The following LHFPL3 variants were observed in gnomAD, a reference collection of about 807,000 sequenced individuals.
LHFPL3 encodes the protein LHFPL tetraspan subfamily member 3, also known as LHFPL tetraspan subfamily member 3 protein.
LHFPL3 carries 5 observed loss-of-function variants against 19.3 expected under a neutral mutation model. The observed-to-expected ratio is 0.26, with a 90% CI of 0.14 to 0.54. The LOEUF (loss-of-function observed/expected upper bound fraction) is 0.54. LHFPL3 is among the 20% of genes least tolerant of loss of function. The pLI, the probability that LHFPL3 is intolerant of heterozygous loss-of-function variation, is 0.94. For synonymous variants in LHFPL3, 133 were observed against 126.2 expected, an observed-to-expected ratio of 1.05 and a Z score of -0.36; for missense variants, 249 against 307.4, an observed-to-expected ratio of 0.81 and a Z score of 1.42.
chr7:104,476,644 G>C (rs1248349797), intron 1 of LHFPL3, among the ~76,000 whole-genome samples: 1 of 152,038 alleles, frequency 6.6e-6, no homozygotes, highest in African/African-American at 2.4e-5. Context: ...ATTTTCAGTA[G>C]AGACGGTGTT....
At chr7:104,774,608 A>G (rs1794611681) in intron 2 of LHFPL3, among the ~76,000 whole-genome samples, 1 of 152,228 alleles carries the variant, frequency 6.6e-6, no homozygotes, top group Non-Finnish European at 1.5e-5. Flanking sequence ...ATCTCAGTAA[A>G]GCCTCTAAGC....
At chr7:104,525,481 A>G (rs1332227268) in intron 1 of LHFPL3, among the ~76,000 whole-genome samples, 1 of 152,224 alleles carries the variant, frequency 6.6e-6, no homozygotes, top group Non-Finnish European at 1.5e-5. Flanking sequence ...CATGTAGCAG[A>G]AAAGGCTGCT....
intron 2 of LHFPL3, among the ~76,000 whole-genome samples, chr7:104,829,871 G>A (rs1454472470): frequency 6.6e-6 from 1 of 151,896 alleles, no homozygotes; most frequent in Non-Finnish European, 1.5e-5. Flanking sequence ...GGGTCAAATG[G>A]TATTTCTAGT....
intron 2 of LHFPL3, among the ~76,000 whole-genome samples, chr7:104,899,533 A>C (rs941262295): frequency 3.3e-5 from 5 of 152,214 alleles, no homozygotes; most frequent in African/African-American, 7.2e-5. Flanking sequence ...AATGATACGA[A>C]GCTGGTAGTC....
intron 1 of LHFPL3, among the ~76,000 whole-genome samples, chr7:104,555,171 C>A (rs528326782): frequency 2.0e-5 from 3 of 152,140 alleles, no homozygotes; most frequent in Non-Finnish European, 4.4e-5. Context: ...ATCCATTAAG[C>A]CAGTTAAGTT....
At chr7:104,459,537 G>A (rs969321837) in intron 1 of LHFPL3, among the ~76,000 whole-genome samples, 4 of 152,166 alleles carry the variant, frequency 2.6e-5, no homozygotes, top group Non-Finnish European at 5.9e-5. Context: ...CTGCTATGGG[G>A]GATGTGGAAG....
chr7:104,584,409 G>T (rs1020673117), intron 1 of LHFPL3, among the ~76,000 whole-genome samples: 1 of 151,894 alleles, frequency 6.6e-6, no homozygotes, highest in African/African-American at 2.4e-5. Context: ...GTATACATAT[G>T]TAACAAACCT....
At chr7:104,803,763 A>G (rs62485082) in intron 2 of LHFPL3, among the ~76,000 whole-genome samples, 7,351 of 152,300 alleles carry the variant, frequency 0.048, 246 homozygotes, top group Middle Eastern at 0.082. Flanking sequence ...AGGGCAAAAT[A>G]TATATTTGCT....
At chr7:104,876,126 A>C (rs954925017) in intron 2 of LHFPL3, among the ~76,000 whole-genome samples, 10 of 152,224 alleles carry the variant, frequency 6.6e-5, no homozygotes, top group African/African-American at 2.4e-4. Context: ...TACAAAAATT[A>C]ATTCAAGATG....
chr7:104,359,713 T>C (rs1232727672), intron 1 of LHFPL3, among the ~76,000 whole-genome samples: 8 of 152,138 alleles, frequency 5.3e-5, no homozygotes, highest in Admixed American at 5.2e-4. Context: ...GAATCAAGGG[T>C]AGAATGCGCT....
At chr7:104,563,311 C>T in intron 1 of LHFPL3, among the ~76,000 whole-genome samples, 1 of 152,284 alleles carries the variant, frequency 6.6e-6, no homozygotes, top group Admixed American at 6.5e-5. Flanking sequence ...TGATCTCAGA[C>T]TGCTGTGCTA....
At position 104,424,276 on chromosome 7, in the gene LHFPL3, C is replaced by G. The variant is rs143670004; in HGVS notation, c.445+95052C>G. 3.4e-3 allele frequency among the ~76,000 whole-genome samples: 513 copies of G among 152,272 alleles called. 1 individual carries two copies. The highest frequency in any genetic ancestry group is 0.012 in the African/African-American group (486 of 41,550). On this transcript the variant is annotated intron_variant, in intron 1 of 2. Coordinates refer to ENST00000424859, the MANE Select transcript of LHFPL3 (RefSeq NM_199000.3). Reference sequence around the variant, plus strand: ...TTGCTGTGCAAGAAGCATCAGAGCCCCACTTGGCTCAAGGTACTTTTGTTG... The same window carrying G: ...TTGCTGTGCAAGAAGCATCAGAGCCGCACTTGGCTCAAGGTACTTTTGTTG...
At position 104,871,724 on chromosome 7, in the gene LHFPL3, T is replaced by C. The variant is rs188520005; in HGVS notation, c.683-34463T>C. ...CCCAGGCTGGAGTGCAATGGCTCAG[T>C]CTCGGTTCACTGCAACCTCCACCTC... On this transcript the variant is annotated intron_variant, in intron 2 of 2. Transcript: ENST00000424859. Among the ~76,000 whole-genome samples the C allele has an allele frequency of 6.6e-3, 1,001 of 152,242 alleles. 10 individuals carry two copies. Among genetic ancestry groups the C allele is most frequent in the African/African-American group, 0.023 (946 of 41,554 alleles).
rs903282832 is a variant in LHFPL3 at position 104,522,453 on chromosome 7, G to C, written c.445+193229G>C. On this transcript the variant is annotated intron_variant, in intron 1 of 2. Coordinates refer to ENST00000424859, the MANE Select transcript of LHFPL3 (RefSeq NM_199000.3). Reference sequence around the variant, plus strand: ...CTAATGCGAGATGACGAGTTAGTGGGTGCAGCGCACCAGCATGGCACATGT... The same window carrying C: ...CTAATGCGAGATGACGAGTTAGTGGCTGCAGCGCACCAGCATGGCACATGT... Among the ~76,000 whole-genome samples, 3 of 151,238 alleles carry C rather than the reference G, an allele frequency of 2.0e-5. 1 individual carries two copies. The highest frequency in any genetic ancestry group is 2.0e-4 in the Admixed American group (3 of 15,160).
chr7:104,558,594 A>G (rs1167013289), intron 1 of LHFPL3, among the ~76,000 whole-genome samples: 2 of 150,708 alleles, frequency 1.3e-5, no homozygotes, highest in East Asian at 3.9e-4. Context: ...TTGTCAGATA[A>G]GTAGGTTGCG....
intron 1 of LHFPL3, among the ~76,000 whole-genome samples, chr7:104,448,760 T>C (rs1166254437): frequency 6.6e-6 from 1 of 152,200 alleles, no homozygotes; most frequent in Admixed American, 6.5e-5. Flanking sequence ...TTGGTAGAAA[T>C]GAAAATGAAT....
intron 1 of LHFPL3, among the ~76,000 whole-genome samples, chr7:104,353,935 A>G (rs180718123): frequency 6.3e-4 from 96 of 152,132 alleles, no homozygotes; most frequent in African/African-American, 2.0e-3. Context: ...TCCTTTATAT[A>G]TATATTTTTA....
At chr7:104,388,276 G>A (rs1278337295) in intron 1 of LHFPL3, among the ~76,000 whole-genome samples, 1 of 152,178 alleles carries the variant, frequency 6.6e-6, no homozygotes, top group Non-Finnish European at 1.5e-5. Flanking sequence ...ATGGTATAAT[G>A]ATTTATATTC....
chr7:104,856,368 G>C lies in LHFPL3; in HGVS notation c.683-49819G>C, dbSNP rs574232731. On this transcript the variant is annotated intron_variant, in intron 2 of 2. Coordinates refer to ENST00000424859, the MANE Select transcript of LHFPL3 (RefSeq NM_199000.3). The stretch of plus-strand genomic sequence containing the variant: ...GGATTCAAGCAATTCTCCTGCCTCA[G>C]CCTCCCGAGTAGCCGGGATTACAGG... 8.8e-5 allele frequency among the ~76,000 whole-genome samples: 13 copies of C among 147,112 alleles called. No homozygotes were observed. The South Asian group carries it at 2.9e-3, about 33-fold the overall frequency.
Sources: gnomAD v4.1 joint callset for allele counts (sites outside exome capture counted in the v4.1 genomes callset) on GRCh38, gnomAD v4.1.1 for gene constraint, MANE v1.5 for transcripts, NCBI Gene and HGNC (gene_info 2026-07-23, HGNC 2026-07-21) for gene names.